The following USP15 variants were observed in gnomAD, a reference collection of about 807,000 sequenced individuals.
The protein encoded by USP15 is ubiquitin carboxyl-terminal hydrolase 15.
In USP15, 18 loss-of-function variants were observed where a neutral mutation model predicts 127.1. The ratio of observed to expected loss-of-function variants is 0.14; its 90% CI spans 0.10 to 0.21. USP15 has a LOEUF of 0.21. Ranked by LOEUF, USP15 falls within the 10% of genes least tolerant of loss-of-function variation. The pLI is 1.00. For synonymous variants in USP15, 364 were observed against 393.7 expected (o/e 0.92, Z 0.89); for missense variants, 805 against 1,159.9 (o/e 0.69, Z 4.44).
At chr12:62,386,419 T>C in intron 11 of USP15, among the ~76,000 whole-genome samples, 1 of 152,092 alleles carries the variant, frequency 6.6e-6, no homozygotes, top group Non-Finnish European at 1.5e-5. Context: ...ATGGTGTTTC[T>C]AGTCCTTGTT....
rs886801410 is a variant in USP15, at chr12:62,411,965, A to G, written c.*7590A>G. ...CCTAAAGACTTCCTCTCCAAATACT[A>G]TTTAAGGCTTCAACCTGAATTTGGA... On this transcript the variant is annotated 3_prime_UTR_variant, in exon 22 of 22. Coordinates refer to ENST00000280377, the MANE Select transcript of USP15 (RefSeq NM_001252078.2). 1.3e-5 allele frequency: 2 copies of G among 152,116 alleles called. No homozygotes were observed. Among genetic ancestry groups the G allele is most frequent in the Non-Finnish European group, 2.9e-5 (2 of 68,034 alleles). The allele number at this position is 152,116 out of a possible 1,614,324, so 9.4% of individuals were successfully genotyped here.
At chr12:62,273,317 A>G (rs1187658151) in intron 1 of USP15, among the ~76,000 whole-genome samples, 1 of 152,006 alleles carries the variant, frequency 6.6e-6, no homozygotes, top group Non-Finnish European at 1.5e-5. Flanking sequence ...ACAGCACTTA[A>G]CAATATTTTA....
At chr12:62,312,266 T>C (rs566817821) in intron 3 of USP15, 3 of 341,762 alleles carry the variant, frequency 8.8e-6, no homozygotes, top group African/African-American at 2.2e-5. Context: ...AAATTACTTA[T>C]ATTTCTCTTC....
intron 1 of USP15, among the ~76,000 whole-genome samples, chr12:62,287,262 C>G (rs1185419751): frequency 6.6e-6 from 1 of 152,144 alleles, no homozygotes; most frequent in African/African-American, 2.4e-5. Context: ...GCCGAAACCT[C>G]AGCATCACGC....
chr12:62,277,737 G>A (rs1325629790), intron 1 of USP15: 1 of 151,842 alleles, frequency 6.6e-6, no homozygotes, highest in East Asian at 1.9e-4. Flanking sequence ...ATCTCATAAT[G>A]TTTTAAGAAA....
chr12:62,296,193 A>G (rs1411871166), intron 2 of USP15, among the ~76,000 whole-genome samples: 1 of 152,204 alleles, frequency 6.6e-6, no homozygotes, highest in Non-Finnish European at 1.5e-5. Flanking sequence ...TCTGCCAACA[A>G]CTGAATGGGC....
intron 3 of USP15, among the ~76,000 whole-genome samples, chr12:62,304,000 G>C (rs981439618): frequency 1.3e-5 from 2 of 151,088 alleles, no homozygotes; most frequent in Non-Finnish European, 2.9e-5. Flanking sequence ...AAACTGTCTA[G>C]AATTATTTCA....
In USP15 at chr12:62,364,605, G is replaced by A. The variant is rs76933621; in HGVS notation, c.915+9130G>A. Among the ~76,000 whole-genome samples, 1,435 of 151,692 alleles carry A rather than the reference G, an allele frequency of 9.5e-3. 77 individuals carry two copies. In the East Asian group the frequency reaches 0.15, roughly 16 times the overall value. ...ACTTTAAGTTCTGGGGTACATGTGC[G>A]CAAAATGCAGTTTTGTTACAAAGGT... is the stretch of plus-strand genomic sequence containing the variant. On this transcript the variant is annotated intron_variant, in intron 8 of 21. Transcript: ENST00000280377.
intron 1 of USP15, among the ~76,000 whole-genome samples, chr12:62,268,442 T>C (rs2063251976): frequency 6.6e-6 from 1 of 152,162 alleles, no homozygotes; most frequent in South Asian, 2.1e-4. Flanking sequence ...GTTATTAATA[T>C]CAAGAGCCTC....
At chr12:62,304,830 TA>T (rs34411608) in intron 3 of USP15, 14,984 of 173,948 alleles carry the variant, frequency 0.086, 164 homozygotes, top group South Asian at 0.15. Context: ...TTATTATGCT[TA>T]AAAAAAAAAA....
Position 62,329,678 on chromosome 12 carries a change from C to G in USP15, c.683+3745C>G, listed in dbSNP as rs562359642. On this transcript the variant is annotated intron_variant, in intron 6 of 21. Coordinates refer to ENST00000280377, the MANE Select transcript of USP15 (RefSeq NM_001252078.2). ...TAAATAAAGGGTAGCTAAGTGCTAA[C>G]AGGTAGATGAGAAGATAGACAAACT... Among the ~76,000 whole-genome samples the G allele has an allele frequency of 7.2e-5, 11 of 152,128 alleles. No homozygotes were observed. In the South Asian group the frequency reaches 2.3e-3, roughly 32 times the overall value.
intron 8 of USP15, among the ~76,000 whole-genome samples, chr12:62,361,428 G>A (rs999445490): frequency 6.6e-6 from 1 of 150,656 alleles, no homozygotes; most frequent in Non-Finnish European, 1.5e-5. Flanking sequence ...TAGAGAAATA[G>A]AGAGGTTCTT....
At chr12:62,323,630 T>C (rs1231574680) in intron 5 of USP15, among the ~76,000 whole-genome samples, 1 of 152,198 alleles carries the variant, frequency 6.6e-6, no homozygotes, top group Non-Finnish European at 1.5e-5. Flanking sequence ...CAGCTCTCTC[T>C]TTCTGTCTTC....
intron 8 of USP15, chr12:62,374,272 A>G: frequency 4.1e-6 from 2 of 489,710 alleles, no homozygotes; most frequent in Non-Finnish European, 5.3e-6. Context: ...GTTAGAAGGT[A>G]TAGCCATTTT....
chr12:62,292,539 A>G (rs937872757), intron 1 of USP15, among the ~76,000 whole-genome samples: 5 of 152,146 alleles, frequency 3.3e-5, no homozygotes, highest in Non-Finnish European at 5.9e-5. Flanking sequence ...TTCCCATGGG[A>G]GCAGCAATTA....
chr12:62,373,480 G>A (rs890589923), intron 8 of USP15, among the ~76,000 whole-genome samples: 1 of 151,964 alleles, frequency 6.6e-6, no homozygotes, highest in Non-Finnish European at 1.5e-5. Flanking sequence ...TTTTATTCAT[G>A]TCTTAAGCAC....
At chr12:62,360,942 T>C (rs989670058) in intron 8 of USP15, among the ~76,000 whole-genome samples, 4 of 151,854 alleles carry the variant, frequency 2.6e-5, no homozygotes, top group South Asian at 4.1e-4. Flanking sequence ...AGTCAGGTCA[T>C]CTATCCATTT....
intron 1 of USP15, among the ~76,000 whole-genome samples, chr12:62,287,312 A>G (rs2063816971): frequency 6.6e-6 from 1 of 152,214 alleles, no homozygotes; most frequent in African/African-American, 2.4e-5. Flanking sequence ...TACCCCCTGA[A>G]TCTAATATTT....
At chr12:62,271,133 A>G (rs902007753) in intron 1 of USP15, among the ~76,000 whole-genome samples, 8 of 152,050 alleles carry the variant, frequency 5.3e-5, no homozygotes, top group Non-Finnish European at 8.8e-5. Flanking sequence ...ATGTAAGACA[A>G]CACCCTCAGC....
Sources: gnomAD v4.1 joint callset for allele counts (sites outside exome capture counted in the v4.1 genomes callset) on GRCh38, gnomAD v4.1.1 for gene constraint, MANE v1.5 for transcripts, NCBI Gene and HGNC (gene_info 2026-07-23, HGNC 2026-07-21) for gene names.